The following RP1 variants were observed in gnomAD, a reference collection of about 807,000 sequenced individuals.
The protein encoded by RP1 is RP1 axonemal microtubule associated.
RP1 carries 16 observed loss-of-function variants against 14.8 expected under a neutral mutation model. The observed-to-expected ratio is 1.08, with a 90% CI of 0.73 to 1.65. The LOEUF (loss-of-function observed/expected upper bound fraction) is 1.65, where lower values mean the gene tolerates loss of function less well. Among genes scored for constraint, RP1 ranks in the 40% most tolerant of loss-of-function variants. RP1 has a pLI of 0.00. For synonymous variants in RP1, 876 were observed against 883.6 expected (o/e 0.99, Z 0.15); for missense variants, 2,631 against 2,535.0 (o/e 1.04, Z -0.81).
chr8:54,785,494 T>C (rs1163685356), intron 24 of RP1, among the ~76,000 whole-genome samples: 1 of 152,134 alleles, frequency 6.6e-6, no homozygotes, highest in Non-Finnish European at 1.5e-5. Flanking sequence ...TACAAGTTTT[T>C]GTGTGAACAT....
Position 54,626,330 on chromosome 8 carries a change from C to A in RP1, c.2448C>A (p.Asn816Lys). ...AATATTGCAAAAGTACTTTTGAAAACAAAAGTTTATTTCATGTATTTAACA... is the reference window on the plus strand; with the variant it reads ...AATATTGCAAAAGTACTTTTGAAAAAAAAAGTTTATTTCATGTATTTAACA... ...ESKYCKSTFE[N>K]KSLFHVFNIL... Residue 816 changes from asparagine to lysine, a missense_variant, in exon 4 of 4, where the codon AAC (asparagine) becomes AAA (lysine). Transcript: ENST00000220676. 6.2e-7 allele frequency: 1 copy of A among 1,613,112 alleles called. No individual in the cohort carries two copies. Among genetic ancestry groups the A allele is most frequent in the Non-Finnish European group, 8.5e-7 (1 of 1,179,720 alleles).
Position 54,628,072 on chromosome 8 carries a change from G to C in RP1, c.4190G>C (p.Ser1397Thr), listed in dbSNP as rs1806126600. The C allele has an allele frequency of 6.2e-7, 1 of 1,613,890 alleles. No homozygotes were observed. The highest frequency in any genetic ancestry group is 1.7e-5 in the Admixed American group (1 of 60,008). Residue 1397 changes from serine (S) to threonine (T), a missense_variant, in exon 4 of 4, where the codon AGC becomes ACC. Coordinates refer to ENST00000220676, the MANE Select transcript of RP1 (RefSeq NM_006269.2). ...TCACATCAAAATGTCAGTAATTTAA[G>C]CTCCTGTGGCCTTTGCCTAAGTGAA... ...LVSHQNVSNLSSCGLCLSEKE... is the reference protein window; with the variant it reads ...LVSHQNVSNLTSCGLCLSEKE...
intron 1 of RP1, among the ~76,000 whole-genome samples, chr8:54,579,986 G>T (rs781077113): frequency 1.3e-5 from 2 of 152,148 alleles, no homozygotes; most frequent in South Asian, 2.1e-4. Flanking sequence ...GACTTCGAGA[G>T]CCCTGGACCA....
intron 24 of RP1, among the ~76,000 whole-genome samples, chr8:54,789,118 C>A (rs1287176106): frequency 6.6e-6 from 1 of 152,124 alleles, no homozygotes; most frequent in African/African-American, 2.4e-5. Flanking sequence ...ATGGGGTCAG[C>A]CAGGAACAAA....
At position 54,621,003 on chromosome 8, in the gene RP1, C is replaced by A; in HGVS notation, c.37C>A (p.His13Asn). 6.2e-7 allele frequency: 1 copy of A among 1,614,156 alleles called. No individual in the cohort carries two copies. The highest frequency in any genetic ancestry group is 8.5e-7 in the Non-Finnish European group (1 of 1,180,020). The change falls in exon 2 of 4, where the codon CAT becomes AAT. Residue 13 changes from histidine (H) to asparagine (N), a missense_variant. His to Asn is a moderately conservative substitution (Grantham distance 68, BLOSUM62 1). Transcript: ENST00000220676. ...CCCTTCTACTGGTTTTTCCATCATT[C>A]ATCCTACGTCTTCTGAAGGTCAAGT... is the stretch of plus-strand genomic sequence containing the variant. ...DTPSTGFSII[H>N]PTSSEGQVPP... is the part of the protein sequence containing the mutation.
chr8:54,756,993 A>AG (rs1409816780), intron 21 of RP1, among the ~76,000 whole-genome samples: 2 of 152,226 alleles, frequency 1.3e-5, no homozygotes, highest in Non-Finnish European at 2.9e-5. Context: ...AGAAGAGTAC[A>AG]GTGAGGGCTT....
At chr8:54,837,351 T>C (rs1021754978) in intron 24 of RP1, 29 of 436,670 alleles carry the variant, frequency 6.6e-5, no homozygotes, top group African/African-American at 5.8e-4. Flanking sequence ...GTAAGGAGTA[T>C]TTATGATAAA....
chr8:54,773,976 T>C (rs1809973394), downstream of RP1, among the ~76,000 whole-genome samples: 1 of 152,230 alleles, frequency 6.6e-6, no homozygotes, highest in Admixed American at 6.5e-5. Context: ...CTATACATGC[T>C]TGGCTGGCCT....
exon 26 of RP1, chr8:54,852,580 T>A (rs758333148): frequency 3.0e-5 from 37 of 1,231,566 alleles, no homozygotes; most frequent in Non-Finnish European, 3.7e-5. Flanking sequence ...TCAGTGGTGC[T>A]TTATGAGATT....
intron 16 of RP1, among the ~76,000 whole-genome samples, chr8:54,721,965 G>A (rs1275759187): frequency 6.6e-6 from 1 of 152,104 alleles, no homozygotes; most frequent in Non-Finnish European, 1.5e-5. Context: ...TTGTAGGGCC[G>A]GGCACTGTGG....
chr8:54,657,992 A>G (rs921213023), intron 6 of RP1, among the ~76,000 whole-genome samples: 3 of 152,232 alleles, frequency 2.0e-5, no homozygotes, highest in Non-Finnish European at 2.9e-5. Flanking sequence ...GTGTATTCAC[A>G]TTGTTATGCA....
chr8:54,697,192 G>C, intron 12 of RP1: 1 of 727,628 alleles, frequency 1.4e-6, no homozygotes. Flanking sequence ...CTTTTTTTGG[G>C]GGAATTTTTA....
intron 27 of RP1, among the ~76,000 whole-genome samples, chr8:54,861,671 T>C (rs1812346234): frequency 6.6e-6 from 1 of 152,124 alleles, no homozygotes. Context: ...GGTGTGATCT[T>C]GGCTTACTGC....
In RP1 at chr8:54,734,700, A is replaced by T. The variant is rs1293018617; in HGVS notation, c.2677A>T (p.Ser893Cys). 5 of 1,535,184 alleles carry T rather than the reference A, an allele frequency of 3.3e-6. No homozygotes were observed. The South Asian group carries it at 6.0e-5, about 18-fold the overall frequency. ...TGGGCCAATAAGTCTTCGCAAGGACAGCTCAGAGCAGCTCTTCCTTCCAGG... is the reference window on the plus strand; with the variant it reads ...TGGGCCAATAAGTCTTCGCAAGGACTGCTCAGAGCAGCTCTTCCTTCCAGG... Residue 893 changes from serine (S) to cysteine (C), a missense_variant, in exon 18 of 23, where the codon AGC becomes TGC. By Grantham distance (112) the Ser-to-Cys change is moderately radical. Coordinates refer to the RP1 transcript ENST00000636932.
At chr8:54,679,898 C>T (rs1807386860) in exon 12 of RP1, 1 of 1,535,874 alleles carries the variant, frequency 6.5e-7, no homozygotes, top group Non-Finnish European at 8.7e-7. Context: ...CCAGATGGCA[C>T]AGTTGACGCC....
At chr8:54,861,855 G>A (rs909931235) in intron 27 of RP1, among the ~76,000 whole-genome samples, 9 of 152,134 alleles carry the variant, frequency 5.9e-5, no homozygotes, top group African/African-American at 2.2e-4. Flanking sequence ...ACCCGCCTTG[G>A]CCTCCAAAAG....
At chr8:54,797,020 T>A (rs1810592763) in intron 24 of RP1, among the ~76,000 whole-genome samples, 1 of 152,274 alleles carries the variant, frequency 6.6e-6, no homozygotes, top group Admixed American at 6.5e-5. Context: ...AGCCACTTGA[T>A]CATTACGTTT....
rs1000978467 is a variant in RP1, at chr8:54,630,105, A to T, written c.6223A>T (p.Arg2075Ter). Residue 2075 changes from arginine to a stop codon, truncating the protein, a stop_gained, in exon 4 of 4, where the codon AGA becomes TGA. Transcript: ENST00000220676. LOFTEE classifies it low-confidence loss of function (END_TRUNC). ...VDENNNLLNN[R>*]FQGSRTNLNQ... ...TGAGAATAACAACTTATTAAATAAC[A>T]GATTCCAGGGCTCAAGAACAAATCT... The T allele has an allele frequency of 6.2e-7, 1 of 1,613,820 alleles. No homozygotes were observed. Among genetic ancestry groups the T allele is most frequent in the Non-Finnish European group, 8.5e-7 (1 of 1,179,950 alleles).
chr8:54,763,557 G>C (rs1809694030), intron 22 of RP1, among the ~76,000 whole-genome samples: 1 of 152,172 alleles, frequency 6.6e-6, no homozygotes, highest in Non-Finnish European at 1.5e-5. Flanking sequence ...GTGCATGCCT[G>C]TAATCCCAGC....
Sources: allele counts gnomAD v4.1 joint callset (sites outside exome capture counted in the v4.1 genomes callset), GRCh38; gene constraint gnomAD v4.1.1; transcripts MANE v1.5; gene names NCBI Gene and HGNC (gene_info 2026-07-23, HGNC 2026-07-21).